Variants in GALNS observed in about 807,000 individuals in gnomAD.
The protein encoded by GALNS is galactosamine (N-acetyl)-6-sulfatase.
GALNS carries 65 observed loss-of-function variants against 65.9 expected under a neutral mutation model. The ratio of observed to expected loss-of-function variants is 0.99; its 90% CI spans 0.81 to 1.21. The LOEUF (loss-of-function observed/expected upper bound fraction) is 1.21, where lower values mean the gene tolerates loss of function less well. Ranked by LOEUF, GALNS falls within the 50% of genes most tolerant of loss-of-function variation. The pLI, the probability that GALNS is intolerant of heterozygous loss-of-function variation, is 0.00. For missense variants in GALNS, 776 were observed against 700.7 expected (o/e 1.11, Z -1.21); for synonymous variants, 346 against 288.9 (o/e 1.20, Z -2.00).
rs923445325 is a variant in GALNS, at chr16:88,814,160, G to C, written c.*279C>G. The C allele has an allele frequency of 7.4e-6, 4 of 540,588 alleles. No homozygotes were observed. The highest frequency in any genetic ancestry group is 1.9e-5 in the African/African-American group (1 of 52,668). The allele number at this position is 540,588 out of a possible 1,614,324, so 33.5% of individuals were successfully genotyped here. On this transcript the variant is annotated 3_prime_UTR_variant, in exon 14 of 14. Transcript: ENST00000268695. Reference sequence around the variant, plus strand: ...ACTGAGACTGGTCTCAGATATTTGGGGTTCACAAAGGCGTGAGACGGCAGG... The same window carrying C: ...ACTGAGACTGGTCTCAGATATTTGGCGTTCACAAAGGCGTGAGACGGCAGG...
chr16:88,836,350 G>A (rs1393242287), intron 5 of GALNS, 83 bp from the exon 6 acceptor site: 3 of 1,140,368 alleles, frequency 2.6e-6, no homozygotes, highest in African/African-American at 1.5e-5. Context: ...GCAAAGCCAT[G>A]GGCTTCATTT....
chr16:88,855,409 C>A (rs1166237853), intron 1 of GALNS: 4 of 702,774 alleles, frequency 5.7e-6, no homozygotes, highest in Non-Finnish European at 5.2e-6. Context: ...GGATGAAATT[C>A]TGAAGCAAAG....
At chr16:88,827,458 T>C (rs1911051328) in intron 9 of GALNS, among the ~76,000 whole-genome samples, 1 of 152,168 alleles carries the variant, frequency 6.6e-6, no homozygotes, top group Admixed American at 6.5e-5. Flanking sequence ...TTTGTTTTTG[T>C]TTTTTGAGAT....
At chr16:88,814,693 A>G (rs1321954151) in intron 13 of GALNS, 168 bp from the exon 14 acceptor site, 12 of 602,072 alleles carry the variant, frequency 2.0e-5, no homozygotes, top group East Asian at 2.9e-4. Context: ...TTCCGGGTTC[A>G]AGAGATTCTC....
intron 6 of GALNS, 46 bp from the exon 7 acceptor site, chr16:88,835,895 C>T (rs1477993915): frequency 6.2e-7 from 1 of 1,612,604 alleles, no homozygotes; most frequent in Middle Eastern, 1.7e-4. Flanking sequence ...AGGCCGACCT[C>T]CTCATGCCTC....
Position 88,814,315 on chromosome 16 carries a change from T to TC in GALNS, c.*123dup, listed in dbSNP as rs1216343801. 17 of 1,276,912 alleles carry TC rather than the reference T, an allele frequency of 1.3e-5. No individual in the cohort carries two copies. Among genetic ancestry groups the TC allele is most frequent in the Non-Finnish European group, 1.3e-5 (12 of 900,920 alleles). 79.1% of individuals were successfully genotyped at this position (1,276,912 alleles called of 1,614,324 possible). A position where few individuals can be genotyped will look rare whatever the true frequency, so the allele number is the denominator to read the frequency against. ...GGTGGAATTGTGCAGTCCCCCTGCG[T>TC]CTGCAGGTGCTGTCTGTCTGGCTTG... On this transcript the variant is annotated 3_prime_UTR_variant, in exon 14 of 14. Transcript: ENST00000268695.
At chr16:88,851,436 C>T (rs940945725) in intron 1 of GALNS, among the ~76,000 whole-genome samples, 31 of 152,144 alleles carry the variant, frequency 2.0e-4, no homozygotes, top group Admixed American at 1.1e-3. Flanking sequence ...CAGCTCCCAG[C>T]GTGATTGACG....
chr16:88,821,968 C>G (rs1432021115), intron 12 of GALNS, among the ~76,000 whole-genome samples: 1 of 152,034 alleles, frequency 6.6e-6, no homozygotes, highest in African/African-American at 2.4e-5. Context: ...TCCAGGTAGC[C>G]CTAGCCCAGG....
intron 7 of GALNS, 43 bp from the exon 8 acceptor site, chr16:88,835,395 G>C (rs964628087): frequency 1.2e-6 from 2 of 1,611,416 alleles, no homozygotes; most frequent in Non-Finnish European, 1.7e-6. Flanking sequence ...CTGGAGGATG[G>C]TGACAAATGG....
At chr16:88,833,077 C>CAAAA (rs869226834) in intron 8 of GALNS, among the ~76,000 whole-genome samples, 6 of 74,644 alleles carry the variant, frequency 8.0e-5, no homozygotes, top group African/African-American at 1.6e-4. Flanking sequence ...GACTCCTTCT[C>CAAAA]AAAAAAAAAA....
chr16:88,835,718 G>A lies in GALNS; in HGVS notation c.758+7C>T, dbSNP rs201788720. ...CGAGGTCTATGCTCCATGGAGCCAG[G>A]ACTCACCGCCCTCGCTGACTGGTGC... On this transcript the variant is annotated splice_region_variant and intron_variant, in intron 7 of 13. Coordinates refer to ENST00000268695, the MANE Select transcript of GALNS (RefSeq NM_000512.5). 1.9e-6 allele frequency: 3 copies of A among 1,613,806 alleles called. No homozygotes were observed. Among genetic ancestry groups the A allele is most frequent in the African/African-American group, 2.7e-5 (2 of 74,946 alleles).
intron 13 of GALNS, chr16:88,816,190 G>A (rs1909605366): frequency 3.0e-6 from 3 of 985,444 alleles, no homozygotes; most frequent in Non-Finnish European, 2.4e-6. Context: ...CCCAGGAGAT[G>A]GCAGTGGCAG....
In GALNS at chr16:88,835,227, GA is replaced by G. The variant is rs1911990702; in HGVS notation, c.883del (p.Ser295ProfsTer24). 1 of 1,592,482 alleles carries G rather than the reference GA, an allele frequency of 6.3e-7. No homozygotes were observed. The highest frequency in any genetic ancestry group is 2.3e-5 in the East Asian group (1 of 44,240). The stretch of plus-strand genomic sequence containing the variant: ...CGAGCACTCACCTTGTTCGGGGGCG[GA>G]AATGAGGGCAGCGCCGTTGTCCGAC... ...FTSDNGAALI[S>X]APEQGGSNGP... On this transcript the variant is annotated frameshift_variant, in exon 8 of 14. Transcript: ENST00000268695. LOFTEE classifies it high-confidence loss of function.
intron 1 of GALNS, chr16:88,855,601 T>C: frequency 1.5e-6 from 1 of 649,424 alleles, no homozygotes; most frequent in Non-Finnish European, 2.8e-6. Context: ...GGGGAAATTA[T>C]GGGTGGTGTC....
intron 1 of GALNS, among the ~76,000 whole-genome samples, chr16:88,854,955 C>A (rs944831633): frequency 1.3e-5 from 2 of 152,238 alleles, no homozygotes; most frequent in African/African-American, 4.8e-5. Context: ...AGAACAGGTG[C>A]CCAGGTGGGC....
intron 3 of GALNS, 47 bp downstream of exon 3, chr16:88,841,850 C>G: frequency 6.4e-7 from 1 of 1,564,928 alleles, no homozygotes; most frequent in South Asian, 1.1e-5. Flanking sequence ...GCCCACCTGC[C>G]CAACCCTGCA....
intron 4 of GALNS, among the ~76,000 whole-genome samples, chr16:88,838,199 C>T (rs1432166791): frequency 1.3e-5 from 2 of 152,202 alleles, no homozygotes; most frequent in East Asian, 3.8e-4. Flanking sequence ...GAAAATATTT[C>T]CTGCCAGGTA....
intron 1 of GALNS, among the ~76,000 whole-genome samples, chr16:88,854,003 A>G (rs1479811086): frequency 1.3e-5 from 2 of 152,184 alleles, no homozygotes; most frequent in Non-Finnish European, 2.9e-5. Flanking sequence ...TTTTGGGGAC[A>G]ACCCTTTTCT....
At chr16:88,847,820 C>T (rs1017799482) in intron 1 of GALNS, among the ~76,000 whole-genome samples, 5 of 152,232 alleles carry the variant, frequency 3.3e-5, no homozygotes, top group African/African-American at 7.2e-5. Flanking sequence ...AGGGTGGCCA[C>T]GCCGCCCGGC....
Sources: gnomAD v4.1 joint callset for allele counts (sites outside exome capture counted in the v4.1 genomes callset) on GRCh38, gnomAD v4.1.1 for gene constraint, MANE v1.5 for transcripts, NCBI Gene and HGNC (gene_info 2026-07-23, HGNC 2026-07-21) for gene names.